The following GPHN variants were observed in gnomAD, a reference collection of about 807,000 sequenced individuals.
The protein encoded by GPHN is gephyrin.
Under a neutral mutation model 95.5 loss-of-function variants are expected in GPHN, and 17 were observed. The ratio of observed to expected loss-of-function variants is 0.18; its 90% CI spans 0.12 to 0.27. The LOEUF (loss-of-function observed/expected upper bound fraction) is 0.27, where lower values mean the gene tolerates loss of function less well. Among genes scored for constraint, GPHN ranks in the 10% least tolerant of loss-of-function variants. The pLI is 1.00. For missense variants in GPHN, 660 were observed against 978.1 expected (o/e 0.67, Z 4.34); for synonymous variants, 320 against 322.5 (o/e 0.99, Z 0.08).
chr14:67,483,907 G>A, the GPHN span, among the ~76,000 whole-genome samples: 1 of 152,242 alleles, frequency 6.6e-6, no homozygotes, highest in Non-Finnish European at 1.5e-5. Context: ...CGCAGCAGGA[G>A]GCAGGGCAGG....
At chr14:66,551,188 G>A (rs1362886663) in intron 1 of GPHN, 1 of 152,386 alleles carries the variant, frequency 6.6e-6, no homozygotes, top group African/African-American at 2.4e-5. Context: ...TAAGGTATGT[G>A]CATTGTGTTT....
intron 4 of GPHN, among the ~76,000 whole-genome samples, chr14:66,863,115 C>A (rs964197219): frequency 2.7e-5 from 4 of 150,340 alleles, no homozygotes; most frequent in African/African-American, 9.8e-5. Flanking sequence ...AACTGAGAAG[C>A]AAATTCAGTA....
intron 2 of GPHN, among the ~76,000 whole-genome samples, chr14:66,722,079 T>C (rs192807876): frequency 7.2e-4 from 110 of 151,890 alleles, no homozygotes; most frequent in Admixed American, 9.2e-4. Flanking sequence ...ATATAAGTAT[T>C]GTTTATTACT....
chr14:66,698,458 T>A (rs1236443306), intron 2 of GPHN, among the ~76,000 whole-genome samples: 1 of 152,184 alleles, frequency 6.6e-6, no homozygotes, highest in Non-Finnish European at 1.5e-5. Context: ...TGTCATACTC[T>A]TTTAAAAGTA....
chr14:67,552,121 G>C, the GPHN span, among the ~76,000 whole-genome samples: 2 of 152,210 alleles, frequency 1.3e-5, no homozygotes, highest in Non-Finnish European at 2.9e-5. Flanking sequence ...GCTGCAGCCA[G>C]TTCTAGGGCA....
At chr14:67,431,028 A>G in the GPHN span, among the ~76,000 whole-genome samples, 7 of 152,146 alleles carry the variant, frequency 4.6e-5, no homozygotes, top group African/African-American at 1.7e-4. Flanking sequence ...AAATCAAACC[A>G]TGGGAAATCC....
the GPHN span, among the ~76,000 whole-genome samples, chr14:67,630,405 A>G: frequency 6.6e-6 from 1 of 152,270 alleles, no homozygotes; most frequent in Admixed American, 6.5e-5. Context: ...ATGGTGCCAG[A>G]TGGTTGTAGC....
At chr14:66,855,668 T>C (rs909372551) in intron 4 of GPHN, among the ~76,000 whole-genome samples, 1 of 152,104 alleles carries the variant, frequency 6.6e-6, no homozygotes, top group Non-Finnish European at 1.5e-5. Context: ...TGGGATCATA[T>C]GGCAATTCTG....
chr14:66,551,696 T>A (rs1468593523), intron 1 of GPHN, among the ~76,000 whole-genome samples: 1 of 152,140 alleles, frequency 6.6e-6, no homozygotes, highest in African/African-American at 2.4e-5. Context: ...GAAGCATAGC[T>A]GGTGAGGCTT....
chr14:66,905,218 T>C (rs185538697), intron 5 of GPHN, among the ~76,000 whole-genome samples: 2 of 152,262 alleles, frequency 1.3e-5, no homozygotes, highest in Non-Finnish European at 2.9e-5. Flanking sequence ...TGAGAGCTTC[T>C]AACGAACTTT....
the GPHN span, among the ~76,000 whole-genome samples, chr14:67,406,488 C>T: frequency 2.0e-5 from 3 of 151,918 alleles, no homozygotes; most frequent in Admixed American, 1.3e-4. Context: ...GGGGAGACTC[C>T]CCGTGGTTCT....
intron 3 of GPHN, among the ~76,000 whole-genome samples, chr14:66,779,410 A>C (rs1400781542): frequency 1.3e-5 from 2 of 152,302 alleles, no homozygotes; most frequent in East Asian, 3.9e-4. Flanking sequence ...TACTTCTTGA[A>C]ATATATTTTA....
chr14:67,275,900 A>G, the GPHN span, among the ~76,000 whole-genome samples: 1 of 151,860 alleles, frequency 6.6e-6, no homozygotes, highest in East Asian at 1.9e-4. Context: ...TTTCTACTTT[A>G]TTTGCGTAGA....
rs556848403 is a variant in GPHN, at chr14:66,649,773, G to C, written c.65-31334G>C. ...TCAAAACCCAATCAGTGAGTGGCAG[G>C]TGGCAAGCTGCATCTGACGTCAAGC... On this transcript the variant is annotated intron_variant, in intron 1 of 22. Transcript: ENST00000478722. 2.6e-5 allele frequency among the ~76,000 whole-genome samples: 4 copies of C among 152,322 alleles called. No homozygotes were observed. The East Asian group carries it at 7.7e-4, about 29-fold the overall frequency.
chr14:66,585,859 T>C (rs1346175416), intron 1 of GPHN, among the ~76,000 whole-genome samples: 1 of 152,194 alleles, frequency 6.6e-6, no homozygotes, highest in African/African-American at 2.4e-5. Flanking sequence ...GAAGAATATA[T>C]ATTCTGTTGA....
intron 2 of GPHN, among the ~76,000 whole-genome samples, chr14:66,769,729 T>A (rs2059096259): frequency 6.6e-6 from 1 of 152,132 alleles, no homozygotes; most frequent in South Asian, 2.1e-4. Flanking sequence ...CAGTCTACCA[T>A]TGATGGGCAT....
At chr14:67,533,052 G>A in the GPHN span, among the ~76,000 whole-genome samples, 1 of 152,124 alleles carries the variant, frequency 6.6e-6, no homozygotes, top group Admixed American at 6.5e-5. Flanking sequence ...GTGGGAGGCT[G>A]GAGCCTGCTG....
rs1364477444 is a variant in GPHN at position 66,868,064 on chromosome 14, T to G, written c.295-11875T>G. 1.8e-4 allele frequency among the ~76,000 whole-genome samples: 28 copies of G among 152,200 alleles called. 1 individual carries two copies. The highest frequency in any genetic ancestry group is 1.8e-3 in the Admixed American group (28 of 15,278). On this transcript the variant is annotated intron_variant, in intron 4 of 22. Coordinates refer to ENST00000478722, the MANE Select transcript of GPHN (RefSeq NM_020806.5). ...GAAGATTCTGATGCACACTAAAGTT[T>G]GAGAAACACTGCTCTAACTACATCT... is the stretch of plus-strand genomic sequence containing the variant.
At chr14:66,795,918 A>G (rs1369953684) in intron 3 of GPHN, among the ~76,000 whole-genome samples, 6 of 152,100 alleles carry the variant, frequency 3.9e-5, no homozygotes, top group Non-Finnish European at 8.8e-5. Context: ...ATCACATACT[A>G]GGACTTATTC....
Sources: allele counts gnomAD v4.1 joint callset (sites outside exome capture counted in the v4.1 genomes callset), GRCh38; gene constraint gnomAD v4.1.1; transcripts MANE v1.5; gene names NCBI Gene and HGNC (gene_info 2026-07-23, HGNC 2026-07-21).